The following RUNX1 variants were observed in gnomAD, a reference collection of about 807,000 sequenced individuals.
RUNX1 encodes runt-related transcription factor 1.
A neutral mutation model predicts 42.8 loss-of-function variants in RUNX1; 19 were observed. The ratio of observed to expected loss-of-function variants is 0.44; its 90% CI spans 0.31 to 0.65. The LOEUF (loss-of-function observed/expected upper bound fraction) is 0.65. Ranked by LOEUF, RUNX1 falls within the 30% of genes least tolerant of loss-of-function variation. The pLI is 0.07. For missense variants in RUNX1, 528 were observed against 672.0 expected, an observed-to-expected ratio of 0.79 and a Z score of 2.37; for synonymous variants, 271 against 289.4, an observed-to-expected ratio of 0.94 and a Z score of 0.64.
chr21:34,868,895 G>A (rs2057699697), intron 5 of RUNX1, among the ~76,000 whole-genome samples: 1 of 152,158 alleles, frequency 6.6e-6, no homozygotes, highest in East Asian at 1.9e-4. Flanking sequence ...ATGACCTTGG[G>A]GGGTGGGGCA....
chr21:34,960,021 G>A lies in RUNX1; in HGVS notation c.59-67058C>T, dbSNP rs569045113. ...GTGGGAAATCTGGCATGTGGAGGTC[G>A]GCTTGCACAGGGGGTCAGCGAGCAG... On this transcript the variant is annotated intron_variant, in intron 2 of 8. Transcript: ENST00000675419. 3.2e-4 allele frequency among the ~76,000 whole-genome samples: 49 copies of A among 152,212 alleles called. 1 individual carries two copies. In the South Asian group the frequency reaches 8.5e-3, roughly 26 times the overall value.
intron 2 of RUNX1, among the ~76,000 whole-genome samples, chr21:34,912,904 C>A (rs1477967903): frequency 6.6e-6 from 1 of 152,194 alleles, no homozygotes; most frequent in African/African-American, 2.4e-5. Context: ...GGGGCCTTCA[C>A]CTGGTCTAGT....
chr21:34,850,173 TGC>T (rs2146185155), intron 6 of RUNX1, among the ~76,000 whole-genome samples: 1 of 152,326 alleles, frequency 6.6e-6, no homozygotes, highest in East Asian at 1.9e-4. Flanking sequence ...TGTGCTGGGA[TGC>T]TGTGACTGCC....
chr21:35,003,519 CT>C (rs58218340), intron 2 of RUNX1, among the ~76,000 whole-genome samples: 78 of 141,714 alleles, frequency 5.5e-4, no homozygotes, highest in African/African-American at 9.5e-4. Context: ...GAAAAGCTGT[CT>C]TTTTTTTTTT....
intron 2 of RUNX1, among the ~76,000 whole-genome samples, chr21:34,916,818 G>A (rs1340725428): frequency 6.6e-6 from 1 of 152,170 alleles, no homozygotes; most frequent in Non-Finnish European, 1.5e-5. Context: ...GGCCAGCCCT[G>A]GGTCGCGGCG....
At chr21:34,838,214 ATCT>A (rs535485798) in intron 6 of RUNX1, among the ~76,000 whole-genome samples, 4,472 of 152,312 alleles carry the variant, frequency 0.029, 77 homozygotes, top group African/African-American at 0.048. Context: ...CACCATTGTG[ATCT>A]GTGGCTGTAA....
At chr21:34,836,063 ATTTTATCATTAACGAGACCTG>A (rs2057141767) in intron 6 of RUNX1, among the ~76,000 whole-genome samples, 3 of 152,230 alleles carry the variant, frequency 2.0e-5, no homozygotes, top group Non-Finnish European at 4.4e-5. Flanking sequence ...TATTGCAGTG[ATTTTATCATTAACGAGACCTG>A]TTTGGCTCCA....
intron 2 of RUNX1, among the ~76,000 whole-genome samples, chr21:35,039,039 C>T (rs972749832): frequency 6.6e-6 from 1 of 152,180 alleles, no homozygotes; most frequent in Non-Finnish European, 1.5e-5. Context: ...GCCGGTTACT[C>T]CTATGGCAAC....
chr21:34,835,105 A>G (rs1357548795), intron 6 of RUNX1, among the ~76,000 whole-genome samples: 5 of 152,038 alleles, frequency 3.3e-5, no homozygotes, highest in Admixed American at 3.3e-4. Context: ...GGCCCCTTCC[A>G]AGAGGAAATG....
At chr21:35,026,755 G>T (rs1390117821) in intron 2 of RUNX1, among the ~76,000 whole-genome samples, 3 of 152,198 alleles carry the variant, frequency 2.0e-5, no homozygotes, top group Non-Finnish European at 4.4e-5. Context: ...CGAAGTAACT[G>T]AAAGAGCGAC....
chr21:34,852,285 G>A (rs1177570149), intron 6 of RUNX1, among the ~76,000 whole-genome samples: 5 of 152,142 alleles, frequency 3.3e-5, no homozygotes, highest in Non-Finnish European at 7.3e-5. Flanking sequence ...AGCTCACTCA[G>A]AGCTGCACCA....
chr21:35,005,114 T>A (rs1272164898), intron 2 of RUNX1, among the ~76,000 whole-genome samples: 2 of 151,936 alleles, frequency 1.3e-5, no homozygotes, highest in Non-Finnish European at 2.9e-5. Context: ...TATTCAGAGA[T>A]CTCCAGAAAT....
intron 2 of RUNX1, among the ~76,000 whole-genome samples, chr21:34,951,214 G>A (rs887532599): frequency 2.0e-5 from 3 of 152,212 alleles, no homozygotes; most frequent in Non-Finnish European, 2.9e-5. Context: ...AAAAGTCGGC[G>A]AGAGGTGGAA....
intron 2 of RUNX1, among the ~76,000 whole-genome samples, chr21:34,995,987 T>C (rs2058992412): frequency 6.6e-6 from 1 of 152,224 alleles, no homozygotes; most frequent in Non-Finnish European, 1.5e-5. Flanking sequence ...CACCACACAT[T>C]CAGCATAGAT....
Position 34,871,362 on chromosome 21 carries a change from C to T in RUNX1, c.508+9195G>A, listed in dbSNP as rs530191229. 2.6e-5 allele frequency among the ~76,000 whole-genome samples: 4 copies of T among 152,280 alleles called. No homozygotes were observed. In the South Asian group the frequency reaches 6.2e-4, roughly 24 times the overall value. ...AAGTGATCTCTGTCGAATCTAGGAGCGTTGCTCTACTGTAGGGAGCTTAAA... is the reference window on the plus strand; with the variant it reads ...AAGTGATCTCTGTCGAATCTAGGAGTGTTGCTCTACTGTAGGGAGCTTAAA... On this transcript the variant is annotated intron_variant, in intron 5 of 8. Transcript: ENST00000675419.
At chr21:35,026,680 G>T (rs1481518389) in intron 2 of RUNX1, among the ~76,000 whole-genome samples, 1 of 152,228 alleles carries the variant, frequency 6.6e-6, no homozygotes, top group Non-Finnish European at 1.5e-5. Context: ...TCCGCCCGGG[G>T]ACTTGTTGGT....
At chr21:34,834,670 T>C (rs1456654078) in intron 6 of RUNX1, 69 bp from the exon 7 acceptor site, 2 of 1,370,352 alleles carry the variant, frequency 1.5e-6, no homozygotes, top group African/African-American at 2.9e-5. Flanking sequence ...TCAGAAAAAG[T>C]ATTGTGGATT....
intron 7 of RUNX1, among the ~76,000 whole-genome samples, chr21:34,810,159 T>G (rs1300237942): frequency 6.6e-6 from 1 of 152,258 alleles, no homozygotes; most frequent in Non-Finnish European, 1.5e-5. Context: ...TCAGTGGGCA[T>G]TCTCCTAGCT....
At chr21:34,913,584 C>CA (rs1231489284) in intron 2 of RUNX1, among the ~76,000 whole-genome samples, 1 of 152,198 alleles carries the variant, frequency 6.6e-6, no homozygotes, top group African/African-American at 2.4e-5. Flanking sequence ...ACACTAATTT[C>CA]AGTTGAGACA....
Sources: gnomAD v4.1 joint callset for allele counts (sites outside exome capture counted in the v4.1 genomes callset) on GRCh38, gnomAD v4.1.1 for gene constraint, MANE v1.5 for transcripts, NCBI Gene and HGNC (gene_info 2026-07-23, HGNC 2026-07-21) for gene names.